The following LPP variants were observed in gnomAD, a reference collection of about 807,000 sequenced individuals.
LPP encodes the protein LIM domain containing preferred translocation partner in lipoma.
A neutral mutation model predicts 60.4 loss-of-function variants in LPP; 38 were observed. The observed-to-expected ratio is 0.63, with a 90% CI of 0.49 to 0.83. The LOEUF (loss-of-function observed/expected upper bound fraction) is 0.83, where lower values mean the gene tolerates loss of function less well. Ranked by LOEUF, LPP falls within the 40% of genes least tolerant of loss-of-function variation. LPP has a pLI of 0.00. For missense variants in LPP, 902 were observed against 783.6 expected, an observed-to-expected ratio of 1.15 and a Z score of -1.80; for synonymous variants, 328 against 290.8, an observed-to-expected ratio of 1.13 and a Z score of -1.30.
chr3:188,537,925 C>G (rs1824082090), intron 6 of LPP, among the ~76,000 whole-genome samples: 1 of 152,002 alleles, frequency 6.6e-6, no homozygotes, highest in Admixed American at 6.6e-5. Flanking sequence ...AATTGAGAGT[C>G]CAGAAATAAA....
At chr3:188,406,381 T>A in intron 4 of LPP, 68 bp downstream of exon 4, 1 of 1,388,998 alleles carries the variant, frequency 7.2e-7, no homozygotes, top group Non-Finnish European at 1.0e-6. Flanking sequence ...TGATTTGTAG[T>A]ACAAAGTTGT....
chr3:188,614,944 A>G (rs551993023), intron 7 of LPP, among the ~76,000 whole-genome samples: 24 of 152,098 alleles, frequency 1.6e-4, no homozygotes, highest in Middle Eastern at 6.8e-3. Context: ...AGTCACATAA[A>G]ATTTGTCCCG....
chr3:188,255,073 A>C (rs1328284167), intron 2 of LPP, among the ~76,000 whole-genome samples: 1 of 152,234 alleles, frequency 6.6e-6, no homozygotes, highest in African/African-American at 2.4e-5. Flanking sequence ...TGTGGAAAGC[A>C]TCTTGGTTGC....
At chr3:188,597,898 A>C (rs1014482932) in intron 6 of LPP, among the ~76,000 whole-genome samples, 8 of 152,158 alleles carry the variant, frequency 5.3e-5, no homozygotes, top group Admixed American at 5.2e-4. Context: ...TTCTACCCAC[A>C]TGGAGTTTAG....
intron 8 of LPP, chr3:188,708,735 G>A (rs112370340): frequency 5.3e-6 from 2 of 376,158 alleles, no homozygotes; most frequent in South Asian, 4.9e-5. Context: ...GCATGTGCCT[G>A]CAGTCCCAGC....
rs531800885 is a variant in LPP at position 188,424,294 on chromosome 3, G to T, written c.193+17981G>T. Among the ~76,000 whole-genome samples the T allele has an allele frequency of 2.0e-5, 3 of 152,202 alleles. 1 individual carries two copies. In the South Asian group the frequency reaches 6.2e-4, roughly 32 times the overall value. On this transcript the variant is annotated intron_variant, in intron 4 of 11. Coordinates refer to ENST00000617246, the MANE Select transcript of LPP (RefSeq NM_001375462.1). ...GTGCAGTGTTATTTCTGAGGCCTCT[G>T]TTCTGTTTCATTGGTCTATATATCT...
intron 1 of LPP, among the ~76,000 whole-genome samples, chr3:188,205,474 G>T (rs529146111): frequency 1.3e-5 from 2 of 152,026 alleles, no homozygotes; most frequent in South Asian, 4.2e-4. Context: ...TAGAGACGGG[G>T]TTTCACCGTG....
intron 5 of LPP, among the ~76,000 whole-genome samples, chr3:188,512,269 A>C (rs1298012962): frequency 6.6e-6 from 1 of 152,158 alleles, no homozygotes; most frequent in Non-Finnish European, 1.5e-5. Flanking sequence ...GTTTGAAGAA[A>C]ATTCTCGGCC....
At chr3:188,748,724 T>A (rs771091052) in intron 8 of LPP, among the ~76,000 whole-genome samples, 1 of 152,094 alleles carries the variant, frequency 6.6e-6, no homozygotes, top group Non-Finnish European at 1.5e-5. Flanking sequence ...CAGAGGTTGC[T>A]GTGAGCCAAG....
At chr3:188,391,899 A>G (rs1347356657) in intron 3 of LPP, among the ~76,000 whole-genome samples, 1 of 152,130 alleles carries the variant, frequency 6.6e-6, no homozygotes, top group East Asian at 1.9e-4. Flanking sequence ...CTTCTAACAG[A>G]AAACAGGGCA....
intron 4 of LPP, among the ~76,000 whole-genome samples, chr3:188,433,045 A>G (rs1791343626): frequency 6.6e-6 from 1 of 152,200 alleles, no homozygotes. Context: ...GACTCTTGCC[A>G]AGAAGCTATT....
chr3:188,247,506 T>C (rs933929164), intron 2 of LPP, among the ~76,000 whole-genome samples: 2 of 152,144 alleles, frequency 1.3e-5, no homozygotes, highest in Non-Finnish European at 2.9e-5. Context: ...AAGTGAGAGA[T>C]AAAATGATGT....
chr3:188,245,613 T>C (rs1189243142), intron 2 of LPP, among the ~76,000 whole-genome samples: 1 of 152,160 alleles, frequency 6.6e-6, no homozygotes, highest in Non-Finnish European at 1.5e-5. Context: ...AAAGTAAATT[T>C]AATAAAATAG....
chr3:188,563,474 G>GTGTGTGTGTGTGTT (rs1553929590), intron 6 of LPP, among the ~76,000 whole-genome samples: 366 of 149,096 alleles, frequency 2.5e-3, no homozygotes, highest in South Asian at 9.6e-3. Context: ...GTGTGTGTGT[G>GTGTGTGTGTGTGTT]TGTGTGTGTG....
intron 6 of LPP, among the ~76,000 whole-genome samples, chr3:188,591,785 A>G (rs1838764871): frequency 6.6e-6 from 1 of 152,242 alleles, no homozygotes; most frequent in Admixed American, 6.5e-5. Flanking sequence ...AATGGTACTC[A>G]CAACAACAAT....
At position 188,881,918 on chromosome 3, in the gene LPP, C is replaced by G. The variant is rs1770076226; in HGVS notation, c.*7439C>G. ...TTCATTCTGTGCTCAAATATTTGTACCTAGAGACGTTACATGTTAGAAAAA... is the reference window on the plus strand; with the variant it reads ...TTCATTCTGTGCTCAAATATTTGTAGCTAGAGACGTTACATGTTAGAAAAA... On this transcript the variant is annotated 3_prime_UTR_variant, in exon 12 of 12. Coordinates refer to ENST00000617246, the MANE Select transcript of LPP (RefSeq NM_001375462.1). 1 of 217,272 alleles carries G rather than the reference C, an allele frequency of 4.6e-6. No individual in the cohort carries two copies. Among genetic ancestry groups the G allele is most frequent in the Admixed American group, 5.8e-5 (1 of 17,194 alleles). 13.5% of individuals were successfully genotyped at this position (217,272 alleles called of 1,614,324 possible).
chr3:188,795,545 G>C (rs149507328), intron 9 of LPP, among the ~76,000 whole-genome samples: 2 of 152,312 alleles, frequency 1.3e-5, no homozygotes, highest in African/African-American at 4.8e-5. Context: ...ATGTAAAACA[G>C]TGTTCCTTCT....
At chr3:188,846,057 C>T (rs574263597) in intron 9 of LPP, among the ~76,000 whole-genome samples, 1 of 152,182 alleles carries the variant, frequency 6.6e-6, no homozygotes, top group Non-Finnish European at 1.5e-5. Context: ...AGTCAATGAA[C>T]ACTTATTGCA....
intron 5 of LPP, among the ~76,000 whole-genome samples, chr3:188,517,948 TAA>T (rs561082405): frequency 3.3e-5 from 5 of 152,066 alleles, no homozygotes; most frequent in African/African-American, 7.2e-5. Flanking sequence ...GCTGATTGTT[TAA>T]AAGAGTATAG....
Sources: allele counts gnomAD v4.1 joint callset (sites outside exome capture counted in the v4.1 genomes callset), GRCh38; gene constraint gnomAD v4.1.1; transcripts MANE v1.5; gene names NCBI Gene and HGNC (gene_info 2026-07-23, HGNC 2026-07-21).